Variants in UBE3D observed in about 807,000 individuals in gnomAD.
UBE3D encodes ubiquitin protein ligase E3D.
A neutral mutation model predicts 49.6 loss-of-function variants in UBE3D; 48 were observed. The observed-to-expected ratio is 0.97, with a 90% confidence interval of 0.77 to 1.23. The LOEUF (loss-of-function observed/expected upper bound fraction) is 1.23, where lower values mean the gene tolerates loss of function less well. Among genes scored for constraint, UBE3D ranks in the 50% most tolerant of loss-of-function variants. UBE3D has a pLI of 0.00. For missense variants in UBE3D, 452 were observed against 468.4 expected, an observed-to-expected ratio of 0.96 and a Z score of 0.32; for synonymous variants, 189 against 174.2, an observed-to-expected ratio of 1.08 and a Z score of -0.67.
At chr6:83,028,479 G>A (rs1781639217) in intron 5 of UBE3D, among the ~76,000 whole-genome samples, 1 of 152,078 alleles carries the variant, frequency 6.6e-6, no homozygotes, top group African/African-American at 2.4e-5. Flanking sequence ...CAATTCCACA[G>A]GGCTGTTCTA....
rs1196925389 is a variant in UBE3D, at chr6:82,911,213, A to AAAC, written c.1150-18172_1150-18171insGTT. Among the ~76,000 whole-genome samples, 724 of 150,254 alleles carry AAAC rather than the reference A, an allele frequency of 4.8e-3. 6 individuals are homozygous for AAAC. Among genetic ancestry groups the AAAC allele is most frequent in the Middle Eastern group, 0.01 (3 of 288 alleles). ...CATTTTGGCAAAAAAAAAAAAAAAAAAAAAAAAAAACTCAGGGGGGACATG... is the reference window on the plus strand; with the variant it reads ...CATTTTGGCAAAAAAAAAAAAAAAAAAACAAAAAAAAAACTCAGGGGGGACATG... On this transcript the variant is annotated intron_variant, in intron 9 of 9. Coordinates refer to ENST00000369747, the MANE Select transcript of UBE3D (RefSeq NM_198920.3).
intron 4 of UBE3D, among the ~76,000 whole-genome samples, chr6:83,043,455 A>G (rs1031017537): frequency 1.3e-5 from 2 of 152,186 alleles, no homozygotes; most frequent in Non-Finnish European, 2.9e-5. Context: ...CCATATTTAG[A>G]TAAAGGGATT....
At chr6:82,901,281 A>G (rs1221636806) in intron 9 of UBE3D, among the ~76,000 whole-genome samples, 1 of 151,832 alleles carries the variant, frequency 6.6e-6, no homozygotes, top group East Asian at 1.9e-4. Flanking sequence ...AAAAAAGAGT[A>G]AGTGCATAAC....
At chr6:82,929,380 A>G (rs1773980262) in intron 9 of UBE3D, among the ~76,000 whole-genome samples, 1 of 151,926 alleles carries the variant, frequency 6.6e-6, no homozygotes, top group Admixed American at 6.6e-5. Context: ...TTTGACAATT[A>G]AGGGACAAAT....
At chr6:83,040,969 G>T (rs141005140) in intron 4 of UBE3D, among the ~76,000 whole-genome samples, 2,676 of 152,270 alleles carry the variant, frequency 0.018, 45 homozygotes, top group Admixed American at 0.058. Context: ...TCTACAAAGG[G>T]TGCCATTCTG....
chr6:82,939,567 T>C (rs1036343434), intron 9 of UBE3D, among the ~76,000 whole-genome samples: 1 of 152,214 alleles, frequency 6.6e-6, no homozygotes, highest in East Asian at 1.9e-4. Flanking sequence ...CACAAATACT[T>C]ACCATTGTAT....
chr6:82,911,307 C>T (rs1772509117), intron 9 of UBE3D, among the ~76,000 whole-genome samples: 1 of 148,350 alleles, frequency 6.7e-6, no homozygotes, highest in East Asian at 2.0e-4. Context: ...TCATTGTGTA[C>T]TCTCCAATCA....
chr6:82,990,254 C>G (rs1778792271), intron 8 of UBE3D, among the ~76,000 whole-genome samples: 1 of 152,088 alleles, frequency 6.6e-6, no homozygotes, highest in East Asian at 1.9e-4. Context: ...AAACTGAAAG[C>G]TGAGTCATGA....
At chr6:82,926,236 T>C (rs1309994328) in intron 9 of UBE3D, among the ~76,000 whole-genome samples, 1 of 152,182 alleles carries the variant, frequency 6.6e-6, no homozygotes, top group Non-Finnish European at 1.5e-5. Context: ...CTCTTTAGAC[T>C]GGCTTTTTTC....
intron 9 of UBE3D, among the ~76,000 whole-genome samples, chr6:82,906,350 C>G (rs1477626743): frequency 2.0e-5 from 3 of 150,936 alleles, no homozygotes; most frequent in African/African-American, 7.4e-5. Context: ...TTTTAGTGTC[C>G]TTATGAATTC....
intron 8 of UBE3D, chr6:83,018,101 T>A (rs1780822558): frequency 6.6e-6 from 1 of 152,210 alleles, no homozygotes; most frequent in East Asian, 1.9e-4. Flanking sequence ...TGGTACTACT[T>A]GCATAAGAAA....
rs1296413053 is a variant in UBE3D at position 82,921,852 on chromosome 6, CA to C, written c.1150-28811del. ...AGCAAGTCAACAGAAACAACTTACA[CA>C]ACCAGACCGGCAAAACTGTAGACAT... On this transcript the variant is annotated intron_variant, in intron 9 of 9. Transcript: ENST00000369747. 2.0e-5 allele frequency among the ~76,000 whole-genome samples: 3 copies of C among 152,282 alleles called. No individual in the cohort carries two copies. The East Asian group carries it at 5.8e-4, about 29-fold the overall frequency.
intron 9 of UBE3D, among the ~76,000 whole-genome samples, chr6:82,937,213 G>T (rs1774643935): frequency 6.6e-6 from 1 of 151,956 alleles, no homozygotes. Context: ...CTACCAGGAG[G>T]GCTCACAAGA....
At chr6:82,936,151 T>C (rs1774558107) in intron 9 of UBE3D, among the ~76,000 whole-genome samples, 1 of 152,280 alleles carries the variant, frequency 6.6e-6, no homozygotes, top group South Asian at 2.1e-4. Context: ...TAGTCTCTGC[T>C]AGAAAATCCT....
At chr6:82,964,741 T>C (rs750403544) in intron 8 of UBE3D, among the ~76,000 whole-genome samples, 2 of 152,218 alleles carry the variant, frequency 1.3e-5, no homozygotes, top group Non-Finnish European at 2.9e-5. Context: ...TTTAAAATTC[T>C]TATAAGCCAT....
chr6:82,939,774 A>G (rs1325125151), intron 9 of UBE3D, among the ~76,000 whole-genome samples: 5 of 152,214 alleles, frequency 3.3e-5, no homozygotes, highest in Admixed American at 6.5e-5. Flanking sequence ...CTCAGAATGT[A>G]TCTCTATCAT....
chr6:83,065,583 C>A, intron 1 of UBE3D, 59 bp downstream of exon 1: 4 of 1,552,376 alleles, frequency 2.6e-6, no homozygotes, highest in Non-Finnish European at 3.5e-6. Flanking sequence ...TCACCAGCCC[C>A]CGACCCCCGG....
intron 8 of UBE3D, among the ~76,000 whole-genome samples, chr6:82,981,209 T>C (rs1170842080): frequency 6.6e-6 from 1 of 152,120 alleles, no homozygotes; most frequent in Non-Finnish European, 1.5e-5. Flanking sequence ...GTGTTTTCTA[T>C]CACACCTTTG....
chr6:82,940,323 C>T (rs1562103351), intron 9 of UBE3D, among the ~76,000 whole-genome samples: 1 of 152,224 alleles, frequency 6.6e-6, no homozygotes, highest in Non-Finnish European at 1.5e-5. Context: ...ACATCTTTCA[C>T]ATCCAAATTG....
Sources: gnomAD v4.1 joint callset for allele counts (sites outside exome capture counted in the v4.1 genomes callset) on GRCh38, gnomAD v4.1.1 for gene constraint, MANE v1.5 for transcripts, NCBI Gene and HGNC (gene_info 2026-07-23, HGNC 2026-07-21) for gene names.